The following ANKRD27 variants were observed in gnomAD, a reference collection of about 807,000 sequenced individuals.
The protein encoded by ANKRD27 is ankyrin repeat domain-containing protein 27.
In ANKRD27, 112 loss-of-function variants were observed where a neutral mutation model predicts 129.7. The observed-to-expected ratio is 0.86, with a 90% CI of 0.74 to 1.01. ANKRD27 has a LOEUF of 1.01. Among genes scored for constraint, ANKRD27 ranks in the 50% least tolerant of loss-of-function variants. The pLI is 0.00. For synonymous variants in ANKRD27, 516 were observed against 511.2 expected, an observed-to-expected ratio of 1.01 and a Z score of -0.13; for missense variants, 1,258 against 1,300.5, an observed-to-expected ratio of 0.97 and a Z score of 0.50.
chr19:32,643,371 C>G lies in ANKRD27; in HGVS notation c.640-19G>C, dbSNP rs1967238775. ...CGTATATCTGTGGAATCAACAGACC[C>G]CATTCAGGGTGTGAGCGGGCAACAG... On this transcript the variant is annotated intron_variant, in intron 7 of 28. Coordinates refer to ENST00000306065, the MANE Select transcript of ANKRD27 (RefSeq NM_032139.3). 1 of 1,613,712 alleles carries G rather than the reference C, an allele frequency of 6.2e-7. No homozygotes were observed. Among genetic ancestry groups the G allele is most frequent in the Admixed American group, 1.7e-5 (1 of 59,932 alleles).
chr19:32,602,242 T>G, intron 25 of ANKRD27, 116 bp from the exon 26 acceptor site: 1 of 667,636 alleles, frequency 1.5e-6, no homozygotes, highest in South Asian at 1.9e-5. Context: ...AGCTCAGAAA[T>G]AATTACAAAT....
chr19:32,645,542 G>A (rs1185681125), intron 4 of ANKRD27, among the ~76,000 whole-genome samples: 2 of 152,038 alleles, frequency 1.3e-5, no homozygotes, highest in African/African-American at 4.8e-5. Context: ...AGGCTCAAGT[G>A]ACCCTCCCAC....
At chr19:32,627,011 T>C (rs1158849967) in intron 15 of ANKRD27, among the ~76,000 whole-genome samples, 184 bp from the exon 16 acceptor site, 1 of 152,114 alleles carries the variant, frequency 6.6e-6, no homozygotes, top group African/African-American at 2.4e-5. Context: ...CCAGACATGT[T>C]GGGGTGGGCC....
Position 32,604,277 on chromosome 19 carries a change from C to T in ANKRD27, c.2641G>A (p.Asp881Asn), listed in dbSNP as rs758744476. ...TCTCCACCTACCTGTTCAGCACAGTCTACAGCCGTGCGCTGCCGCTTGTTC... is the reference window on the plus strand; with the variant it reads ...TCTCCACCTACCTGTTCAGCACAGTTTACAGCCGTGCGCTGCCGCTTGTTC... ...VLNKRQRTAV[D>N]CAEQNSKIME... Residue 881 changes from aspartate to asparagine, a missense_variant, in exon 25 of 29, where the codon GAC (aspartate) becomes AAC (asparagine). Physicochemically the swap from Asp to Asn is conservative, Grantham distance 23. Coordinates refer to ENST00000306065, the MANE Select transcript of ANKRD27 (RefSeq NM_032139.3). The T allele has an allele frequency of 3.6e-5, 58 of 1,612,460 alleles. 1 individual carries two copies. In the Middle Eastern group the frequency reaches 5.7e-4, roughly 16 times the overall value.
At chr19:32,634,008 G>A (rs1395092759) in intron 12 of ANKRD27, among the ~76,000 whole-genome samples, 2 of 152,132 alleles carry the variant, frequency 1.3e-5, no homozygotes, top group African/African-American at 4.8e-5. Context: ...TCCACCCTGG[G>A]TGACAGAGCG....
At chr19:32,619,663 G>T in intron 18 of ANKRD27, 110 bp from the exon 19 acceptor site, 1 of 1,346,050 alleles carries the variant, frequency 7.4e-7, no homozygotes, top group Non-Finnish European at 1.1e-6. Context: ...GAATGTCAGT[G>T]CAGTGAGCCT....
intron 12 of ANKRD27, chr19:32,636,062 C>T (rs77842211): frequency 0.013 from 1,980 of 153,096 alleles, 46 homozygotes; most frequent in African/African-American, 0.046. Flanking sequence ...CACTGCTGCA[C>T]CCGTGACCCA....
intron 12 of ANKRD27, 59 bp from the exon 13 acceptor site, chr19:32,631,553 C>T: frequency 1.4e-6 from 2 of 1,409,864 alleles, no homozygotes; most frequent in Non-Finnish European, 1.0e-6. Context: ...CAAAACCCAG[C>T]ACCTCAGCAA....
At chr19:32,611,500 A>C (rs1971835063) in intron 22 of ANKRD27, among the ~76,000 whole-genome samples, 1 of 152,216 alleles carries the variant, frequency 6.6e-6, no homozygotes, top group Non-Finnish European at 1.5e-5. Flanking sequence ...AGAGTCACCC[A>C]CGCTGAAGTT....
intron 26 of ANKRD27, among the ~76,000 whole-genome samples, chr19:32,601,773 G>C (rs1971657684): frequency 6.6e-6 from 1 of 152,070 alleles, no homozygotes; most frequent in South Asian, 2.1e-4. Context: ...AGGTAGTGTT[G>C]ACAGTTTCTA....
chr19:32,666,849 G>C (rs1473343497), intron 1 of ANKRD27, among the ~76,000 whole-genome samples: 1 of 151,986 alleles, frequency 6.6e-6, no homozygotes, highest in Non-Finnish European at 1.5e-5. Context: ...GTTTCATCAT[G>C]ATGGCCACGC....
intron 22 of ANKRD27, among the ~76,000 whole-genome samples, chr19:32,611,645 G>A (rs745688329): frequency 3.8e-4 from 58 of 152,216 alleles, no homozygotes; most frequent in Middle Eastern, 3.4e-3. Flanking sequence ...GCAATGGCAC[G>A]ATCTCGGCTC....
At chr19:32,653,599 G>A (rs1043542900) in intron 2 of ANKRD27, among the ~76,000 whole-genome samples, 11 of 152,130 alleles carry the variant, frequency 7.2e-5, no homozygotes, top group African/African-American at 2.4e-4. Context: ...AAATCTGGGT[G>A]AGCACAGGAG....
intron 12 of ANKRD27, chr19:32,636,441 ATG>A (rs1967090760): frequency 6.6e-6 from 1 of 151,934 alleles, no homozygotes. Context: ...CGGGCCAAGG[ATG>A]TGATTGAGGA....
rs74703534 is a variant in ANKRD27, at chr19:32,644,309, C to T, written c.525+16G>A. 0.013 allele frequency: 20,854 copies of T among 1,608,416 alleles called. 1,436 individuals carry two copies. The East Asian group carries it at 0.23, about 18-fold the overall frequency. On this transcript the variant is annotated intron_variant, in intron 5 of 28. Coordinates refer to ENST00000306065, the MANE Select transcript of ANKRD27 (RefSeq NM_032139.3). ...GAGACAGGGCACGCCAGGCAGAGGA[C>T]AGCACGGCTACTGACTATGTGGTGA...
intron 22 of ANKRD27, among the ~76,000 whole-genome samples, chr19:32,612,401 C>T (rs1049038158): frequency 1.2e-4 from 18 of 152,246 alleles, no homozygotes; most frequent in African/African-American, 4.3e-4. Flanking sequence ...TAGCTCAGAC[C>T]AGTCTGGGTA....
At chr19:32,651,831 C>T (rs887177653) in intron 2 of ANKRD27, among the ~76,000 whole-genome samples, 12 of 152,220 alleles carry the variant, frequency 7.9e-5, no homozygotes, top group South Asian at 6.2e-4. Flanking sequence ...GGACACGAGG[C>T]AGGTGCCCAG....
intron 20 of ANKRD27, among the ~76,000 whole-genome samples, chr19:32,618,336 C>T (rs558045963): frequency 6.0e-5 from 9 of 151,208 alleles, no homozygotes; most frequent in African/African-American, 1.7e-4. Flanking sequence ...TGCAGTGGCT[C>T]GGCCTGTAAT....
chr19:32,636,709 T>TTC (rs56115659), intron 12 of ANKRD27, among the ~76,000 whole-genome samples: 26,521 of 145,202 alleles, frequency 0.18, 2,905 homozygotes, highest in Non-Finnish European at 0.25. Flanking sequence ...AAAAAAACAG[T>TTC]TCTCTCTCTC....
Sources: gnomAD v4.1 joint callset for allele counts (sites outside exome capture counted in the v4.1 genomes callset) on GRCh38, gnomAD v4.1.1 for gene constraint, MANE v1.5 for transcripts, NCBI Gene and HGNC (gene_info 2026-07-23, HGNC 2026-07-21) for gene names.